Variants in ABI3BP observed in about 807,000 individuals in gnomAD.
ABI3BP encodes the protein ABI family member 3 binding protein.
A neutral mutation model predicts 268.6 loss-of-function variants in ABI3BP; 216 were observed. The observed-to-expected ratio is 0.80, with a 90% CI of 0.72 to 0.90. ABI3BP has a LOEUF of 0.90. Among genes scored for constraint, ABI3BP ranks in the 40% least tolerant of loss-of-function variants. The pLI, the probability that ABI3BP is intolerant of heterozygous loss-of-function variation, is 0.00. For missense variants in ABI3BP, 2,090 were observed against 2,182.4 expected (o/e 0.96, Z 0.84); for synonymous variants, 730 against 730.0 (o/e 1.00, Z 0.00).
rs1576424119 is a variant in ABI3BP, at chr3:100,750,326, TGATA to T, written c.*165_*168del. ...TTTCTTAAAATGACTTTGTAAAACC[TGATA>T]AATACTCTCAGCAATCTTTTCTAAT... On this transcript the variant is annotated 3_prime_UTR_variant, in exon 68 of 68. Coordinates refer to ENST00000471714, the MANE Select transcript of ABI3BP (RefSeq NM_001375547.2). 2.0e-6 allele frequency: 1 copy of T among 510,608 alleles called. No homozygotes were observed. The allele number at this position is 510,608 out of a possible 1,614,324, so 31.6% of individuals were successfully genotyped here.
chr3:100,914,035 A>G (rs2153574169), intron 2 of ABI3BP, among the ~76,000 whole-genome samples: 1 of 152,344 alleles, frequency 6.6e-6, no homozygotes, highest in African/African-American at 2.4e-5. Context: ...AGAAAGGAAA[A>G]AAAATAATTA....
At chr3:100,854,510 CCTGGTTTCTAAAAG>C (rs1580634741) in intron 14 of ABI3BP, among the ~76,000 whole-genome samples, 1 of 152,168 alleles carries the variant, frequency 6.6e-6, no homozygotes, top group African/African-American at 2.4e-5. Context: ...AATTGTTAGG[CCTGGTTTCTAAAAG>C]CTACACTAGC....
At chr3:100,844,513 T>C in intron 20 of ABI3BP, 1 of 958,784 alleles carries the variant, frequency 1.0e-6, no homozygotes, top group Non-Finnish European at 1.2e-6. Flanking sequence ...AATAGAAGAG[T>C]GTGCGGAGAG....
At chr3:100,976,439 C>T (rs769694783) in intron 1 of ABI3BP, among the ~76,000 whole-genome samples, 1 of 152,132 alleles carries the variant, frequency 6.6e-6, no homozygotes, top group Non-Finnish European at 1.5e-5. Context: ...AGGAATAAAG[C>T]CCAGTTCAGC....
Position 100,993,317 on chromosome 3 carries a change from T to C in ABI3BP, c.68A>G (p.Lys23Arg), listed in dbSNP as rs1269727420. The C allele has an allele frequency of 6.4e-7, 1 of 1,551,220 alleles. No individual in the cohort carries two copies. Among genetic ancestry groups the C allele is most frequent in the Admixed American group, 2.0e-5 (1 of 51,082 alleles). ...ATCAGGCTACTTGCCTTTTGGCAAT[T>C]TCTGTGCATTTCCCAGGGCTAGTGT... ...SITLALGNAQ[K>R]LPKGKRPNLK... Residue 23 changes from lysine (K) to arginine (R), a missense_variant, in exon 1 of 68, where the codon AAA (lysine) becomes AGA (arginine). Physicochemically the swap from Lys to Arg is conservative, Grantham distance 26. Coordinates refer to ENST00000471714, the MANE Select transcript of ABI3BP (RefSeq NM_001375547.2).
In ABI3BP at chr3:100,792,768, T is replaced by C; in HGVS notation, c.3947A>G (p.Glu1316Gly). The C allele has an allele frequency of 6.2e-7, 1 of 1,610,872 alleles. No homozygotes were observed. The highest frequency in any genetic ancestry group is 8.5e-7 in the Non-Finnish European group (1 of 1,177,782). The change falls in exon 55 of 68, where the codon GAA (glutamate) becomes GGA (glycine). Residue 1316 changes from glutamate to glycine, a missense_variant and splice_region_variant. By Grantham distance (98) the Glu-to-Gly change is moderately conservative. Coordinates refer to ENST00000471714, the MANE Select transcript of ABI3BP (RefSeq NM_001375547.2). Reference protein sequence around the residue: ...PSQEELQTTLEETDQSTQEPF... With the variant: ...PSQEELQTTLGETDQSTQEPF... ...TTCTTGGGTGGATTGGTCTGTTTCT[T>C]CTAGAGAAAACACAGTAAGATTGCT...
Position 100,926,267 on chromosome 3 carries a change from C to T in ABI3BP, c.259+35G>A, listed in dbSNP as rs1008872616. 4 of 1,606,978 alleles carry T rather than the reference C, an allele frequency of 2.5e-6. No homozygotes were observed. The South Asian group carries it at 4.4e-5, about 18-fold the overall frequency. On this transcript the variant is annotated intron_variant, in intron 2 of 67. Transcript: ENST00000471714. Reference sequence around the variant, plus strand: ...TGTTACACCCCCCCACCTCTTACCTCCTTTCCTTCCCAGCCCGATACCCAA... The same window carrying T: ...TGTTACACCCCCCCACCTCTTACCTTCTTTCCTTCCCAGCCCGATACCCAA...
At chr3:100,754,806 G>C in intron 63 of ABI3BP, 115 bp from the exon 64 acceptor site, 1 of 838,772 alleles carries the variant, frequency 1.2e-6, no homozygotes, top group East Asian at 2.7e-5. Flanking sequence ...TTATGACAGT[G>C]AATGGTAACA....
At chr3:100,971,370 G>A (rs571309204) in intron 1 of ABI3BP, among the ~76,000 whole-genome samples, 38 of 152,172 alleles carry the variant, frequency 2.5e-4, no homozygotes, top group Middle Eastern at 6.8e-3. Flanking sequence ...CATAAGCATC[G>A]GTAAATAAAA....
chr3:100,829,431 A>G, intron 33 of ABI3BP, 150 bp downstream of exon 33: 3 of 585,828 alleles, frequency 5.1e-6, no homozygotes, highest in South Asian at 5.4e-5. Flanking sequence ...AAGCATAAGG[A>G]ATTTGGCTAC....
chr3:100,756,355 T>A (rs2095616090), intron 63 of ABI3BP, among the ~76,000 whole-genome samples: 1 of 152,226 alleles, frequency 6.6e-6, no homozygotes, highest in African/African-American at 2.4e-5. Flanking sequence ...AGAAACCCTG[T>A]CTCTACTAAA....
chr3:100,959,486 T>G, intron 1 of ABI3BP, among the ~76,000 whole-genome samples: 1 of 81,418 alleles, frequency 1.2e-5, no homozygotes, highest in African/African-American at 5.1e-5. Context: ...CGAGACTCCG[T>G]CTCAAAAAAA....
chr3:100,814,867 A>T (rs1427777803), intron 44 of ABI3BP, among the ~76,000 whole-genome samples: 1 of 152,178 alleles, frequency 6.6e-6, no homozygotes, highest in Non-Finnish European at 1.5e-5. Flanking sequence ...CGATGAATTT[A>T]GCCACTGGAT....
chr3:100,898,028 T>C (rs777722715), intron 4 of ABI3BP, among the ~76,000 whole-genome samples: 1 of 152,236 alleles, frequency 6.6e-6, no homozygotes, highest in Non-Finnish European at 1.5e-5. Context: ...CTAGTACATA[T>C]CCATCCAATG....
At chr3:100,877,221 C>T (rs538088526) in intron 6 of ABI3BP, among the ~76,000 whole-genome samples, 247 of 152,222 alleles carry the variant, frequency 1.6e-3, no homozygotes, top group Non-Finnish European at 2.7e-3. Flanking sequence ...TTTACAGTCC[C>T]TCTCAAAAAG....
chr3:100,889,462 C>T (rs1464835942), intron 4 of ABI3BP, among the ~76,000 whole-genome samples: 1 of 152,124 alleles, frequency 6.6e-6, no homozygotes, highest in Non-Finnish European at 1.5e-5. Context: ...TTATTGAAGG[C>T]TTTTTAGTTT....
intron 1 of ABI3BP, among the ~76,000 whole-genome samples, chr3:100,971,162 A>T (rs1585304353): frequency 6.6e-6 from 1 of 152,208 alleles, no homozygotes; most frequent in South Asian, 2.1e-4. Context: ...GAATTTCTGC[A>T]GTGAAGACAT....
intron 2 of ABI3BP, among the ~76,000 whole-genome samples, chr3:100,904,507 A>G (rs1401310310): frequency 6.6e-6 from 1 of 152,214 alleles, no homozygotes; most frequent in Non-Finnish European, 1.5e-5. Context: ...GGAGTTCAGC[A>G]AGACTCAAAG....
intron 1 of ABI3BP, among the ~76,000 whole-genome samples, chr3:100,978,733 T>C (rs925524109): frequency 5.9e-4 from 90 of 152,330 alleles, no homozygotes; most frequent in Admixed American, 3.9e-3. Flanking sequence ...TAGAACTAAG[T>C]AAATTAGCTA....
Sources: allele counts gnomAD v4.1 joint callset (sites outside exome capture counted in the v4.1 genomes callset), GRCh38; gene constraint gnomAD v4.1.1; transcripts MANE v1.5; gene names NCBI Gene and HGNC (gene_info 2026-07-23, HGNC 2026-07-21).